KRABD5: variants seen among roughly 807,000 people sequenced by gnomAD.
The protein encoded by KRABD5 is KRAB domain containing 5.
At chr16:31,754,915 T>A in the KRABD5 span, 1 of 448,846 alleles carries the variant, frequency 2.2e-6, no homozygotes, top group Non-Finnish European at 4.5e-6. Flanking sequence ...TCAATTCTAG[T>A]TCATATTTTA....
At chr16:31,733,760 G>A in the KRABD5 span, 8 of 380,582 alleles carry the variant, frequency 2.1e-5, no homozygotes, top group South Asian at 1.6e-4. Flanking sequence ...GTTCTGTTGT[G>A]TATGTGTGCC....
chr16:31,721,147 T>C, the KRABD5 span, among the ~76,000 whole-genome samples: 1 of 152,228 alleles, frequency 6.6e-6, no homozygotes, highest in African/African-American at 2.4e-5. Context: ...TTTATGTCAT[T>C]GAATGTGTTA....
the KRABD5 span, among the ~76,000 whole-genome samples, chr16:31,738,500 C>G: frequency 2.0e-5 from 3 of 152,064 alleles, no homozygotes; most frequent in African/African-American, 7.2e-5. Context: ...TGTATTTTAA[C>G]TAATATGACA....
At chr16:31,717,387 G>A in the KRABD5 span, among the ~76,000 whole-genome samples, 18 of 152,302 alleles carry the variant, frequency 1.2e-4, no homozygotes, top group East Asian at 3.3e-3. Flanking sequence ...GTATCTTACA[G>A]TTTCTTTAGG....
At chr16:31,731,868 AG>A in the KRABD5 span, among the ~76,000 whole-genome samples, 1 of 152,192 alleles carries the variant, frequency 6.6e-6, no homozygotes, top group East Asian at 1.9e-4. Flanking sequence ...TTCTACATCC[AG>A]GGGCACAGAT....
the KRABD5 span, among the ~76,000 whole-genome samples, chr16:31,745,156 T>TGCTAACTCTTGGATTA: frequency 6.6e-6 from 1 of 152,332 alleles, no homozygotes; most frequent in East Asian, 1.9e-4. Flanking sequence ...TCTTGTCTTC[T>TGCTAACTCTTGGATTA]GCTAACTCTT....
At chr16:31,713,467 A>AG in the KRABD5 span, 1 of 1,597,920 alleles carries the variant, frequency 6.3e-7, no homozygotes, top group East Asian at 2.3e-5. Flanking sequence ...TCCCCAGAAG[A>AG]GGGAGAGGGG....
chr16:31,756,531 A>G, the KRABD5 span: 1 of 152,134 alleles, frequency 6.6e-6, no homozygotes, highest in South Asian at 2.1e-4. Context: ...TTATAAATAT[A>G]CTTTATATCA....
the KRABD5 span, among the ~76,000 whole-genome samples, chr16:31,745,227 G>C: frequency 6.6e-6 from 1 of 152,054 alleles, no homozygotes; most frequent in African/African-American, 2.4e-5. Flanking sequence ...GTTGATTTGA[G>C]ATTTTTCTAG....
At chr16:31,733,876 C>T in the KRABD5 span, among the ~76,000 whole-genome samples, 35 of 152,186 alleles carry the variant, frequency 2.3e-4, no homozygotes, top group African/African-American at 7.5e-4. Context: ...ACATCTATTC[C>T]GCGTTCTGTT....
chr16:31,747,574 C>T, the KRABD5 span, among the ~76,000 whole-genome samples: 1 of 152,182 alleles, frequency 6.6e-6, no homozygotes, highest in Non-Finnish European at 1.5e-5. Context: ...CACCGACTTC[C>T]ACAATGGTTG....
chr16:31,724,456 T>C, the KRABD5 span, among the ~76,000 whole-genome samples: 121,801 of 151,794 alleles, frequency 0.8, 49,490 homozygotes, highest in African/African-American at 0.92. Flanking sequence ...GGGAGGCCGA[T>C]GCAGGCGGAT....
the KRABD5 span, among the ~76,000 whole-genome samples, chr16:31,737,598 A>G: frequency 2.0e-5 from 3 of 152,146 alleles, no homozygotes; most frequent in African/African-American, 7.2e-5. Flanking sequence ...GAATTCTTGG[A>G]ACCCTTGTTG....
chr16:31,720,616 A>G, the KRABD5 span, among the ~76,000 whole-genome samples: 1 of 152,036 alleles, frequency 6.6e-6, no homozygotes, highest in Non-Finnish European at 1.5e-5. Context: ...TTTTTCCCCC[A>G]CTAATATACA....
the KRABD5 span, among the ~76,000 whole-genome samples, chr16:31,729,783 T>C: frequency 3.3e-5 from 5 of 152,126 alleles, no homozygotes; most frequent in Non-Finnish European, 5.9e-5. Flanking sequence ...TTTGATTACT[T>C]TCTTTTTTTC....
chr16:31,753,843 G>A, the KRABD5 span: 2 of 1,550,910 alleles, frequency 1.3e-6, no homozygotes, highest in African/African-American at 1.4e-5. Context: ...GATATTGGAT[G>A]GATATGGGAG....
At chr16:31,753,786 C>G in the KRABD5 span, 5 of 1,519,946 alleles carry the variant, frequency 3.3e-6, no homozygotes, top group Admixed American at 4.6e-5. Flanking sequence ...TCATGATACT[C>G]AAGGCCTCTT....
the KRABD5 span, chr16:31,713,440 A>T: frequency 1.9e-6 from 3 of 1,605,036 alleles, no homozygotes; most frequent in Non-Finnish European, 2.6e-6. Context: ...GAAATGGTGA[A>T]TGTGCCAGGT....
the KRABD5 span, among the ~76,000 whole-genome samples, chr16:31,727,017 A>G: frequency 1.3e-5 from 2 of 152,216 alleles, no homozygotes; most frequent in Non-Finnish European, 2.9e-5. Flanking sequence ...AAATGGAATC[A>G]TAAGAATTTT....
Sources: allele counts gnomAD v4.1 joint callset (sites outside exome capture counted in the v4.1 genomes callset), GRCh38; gene constraint gnomAD v4.1.1; transcripts MANE v1.5; gene names NCBI Gene and HGNC (gene_info 2026-07-23, HGNC 2026-07-21).